TTC21B: variants seen among roughly 807,000 people sequenced by gnomAD.
TTC21B encodes tetratricopeptide repeat domain 21B, also known as tetratricopeptide repeat protein 21B.
In TTC21B, 127 loss-of-function variants were observed where a neutral mutation model predicts 175.1. That is an observed-to-expected ratio of 0.73 (90% CI 0.63 to 0.84). The LOEUF is 0.84. TTC21B is among the 40% of genes least tolerant of loss of function. TTC21B has a pLI of 0.00. For synonymous variants in TTC21B, 524 were observed against 524.5 expected (o/e 1.00, Z 0.01); for missense variants, 1,561 against 1,558.3 (o/e 1.00, Z -0.03).
rs1405946233 is a variant in TTC21B at position 165,899,771 on chromosome 2, A to G, written c.2867T>C (p.Met956Thr). The G allele has an allele frequency of 6.2e-7, 1 of 1,606,246 alleles. No individual in the cohort carries two copies. The highest frequency in any genetic ancestry group is 1.3e-5 in the African/African-American group (1 of 74,768). ...TGTACTGAAGTTCCTTGGACTGACC[A>G]TGGTAGCAGCTTCGTTATCCTGGTC... ...QSDQDNEAAT[M>T]MMADLMFRKQ... is the part of the protein sequence containing the mutation. The change falls in exon 21 of 29, where the codon ATG becomes ACG. Residue 956 changes from methionine (M) to threonine (T), a missense_variant and splice_region_variant. Physicochemically the swap from Met to Thr is moderately conservative, Grantham distance 81. Transcript: ENST00000243344.
chr2:165,895,651 C>G (rs956966206), intron 22 of TTC21B, among the ~76,000 whole-genome samples: 3 of 151,728 alleles, frequency 2.0e-5, no homozygotes, highest in Non-Finnish European at 4.4e-5. Flanking sequence ...GTAGAAATGG[C>G]AGGGAAAAAA....
intron 6 of TTC21B, among the ~76,000 whole-genome samples, chr2:165,935,134 T>C (rs1190493992): frequency 6.6e-6 from 1 of 152,172 alleles, no homozygotes; most frequent in Non-Finnish European, 1.5e-5. Flanking sequence ...ATGGAAAGCG[T>C]CTAGGTCCGT....
At position 165,931,813 on chromosome 2, in the gene TTC21B, A is replaced by G. The variant is rs763220805; in HGVS notation, c.839T>C (p.Met280Thr). The change falls in exon 8 of 29, where the codon ATG (methionine) becomes ACG (threonine). Residue 280 changes from methionine to threonine, a missense_variant. Transcript: ENST00000243344. Reference protein sequence around the residue: ...LENLGNTLDAMEPQNAQLFYN... With the variant: ...LENLGNTLDATEPQNAQLFYN... The stretch of plus-strand genomic sequence containing the variant: ...GAAAAGTTGAGCATTCTGTGGTTCC[A>G]TGGCATCCAATGTATTTCCCAAGTT... 7 of 1,613,656 alleles carry G rather than the reference A, an allele frequency of 4.3e-6. No individual in the cohort carries two copies. Among genetic ancestry groups the G allele is most frequent in the Admixed American group, 1.7e-5 (1 of 59,970 alleles).
chr2:165,876,106 A>T (rs1684657041), intron 28 of TTC21B, 59 bp downstream of exon 28: 3 of 1,005,356 alleles, frequency 3.0e-6, no homozygotes, highest in Non-Finnish European at 4.7e-6. Flanking sequence ...CTGGAGATTT[A>T]AAAAAGTAGG....
intron 22 of TTC21B, among the ~76,000 whole-genome samples, chr2:165,892,813 G>A (rs1210982528): frequency 1.3e-5 from 2 of 152,110 alleles, no homozygotes; most frequent in African/African-American, 2.4e-5. Context: ...ACAACAATGC[G>A]AATGCATTTA....
intron 11 of TTC21B, 127 bp downstream of exon 11, chr2:165,929,004 CAACT>C: frequency 1.2e-6 from 1 of 826,396 alleles, no homozygotes; most frequent in South Asian, 1.5e-5. Flanking sequence ...AAAGCGATTT[CAACT>C]AACATAGGTA....
chr2:165,887,905 G>C (rs942230283), intron 25 of TTC21B, among the ~76,000 whole-genome samples: 1 of 152,148 alleles, frequency 6.6e-6, no homozygotes, highest in African/African-American at 2.4e-5. Flanking sequence ...TCATGTAAGT[G>C]AAGAAGTAAG....
chr2:165,934,817 T>C (rs1207032132), intron 6 of TTC21B: 1 of 151,736 alleles, frequency 6.6e-6, no homozygotes, highest in Non-Finnish European at 1.5e-5. Context: ...AGACTACTAG[T>C]AGGAGTGTAA....
Position 165,914,657 on chromosome 2 carries a change from C to CTGTGTGTGTG in TTC21B, c.2138+534_2138+543dup, listed in dbSNP as rs551411661. On this transcript the variant is annotated intron_variant, in intron 15 of 28. Transcript: ENST00000243344. ...GTTTGGGGAGAAGAGGAAGAGCAATCTGTGTGTGTGTGTGTGTGTGTGTGT... is the reference window on the plus strand; with the variant it reads ...GTTTGGGGAGAAGAGGAAGAGCAATCTGTGTGTGTGTGTGTGTGTGTGTGTGTGTGTGTGT... Among the ~76,000 whole-genome samples the CTGTGTGTGTG allele has an allele frequency of 6.6e-3, 775 of 118,138 alleles. 15 individuals are homozygous for CTGTGTGTGTG. Among genetic ancestry groups the CTGTGTGTGTG allele is most frequent in the Admixed American group, 0.011 (121 of 11,334 alleles). 77.5% of individuals were successfully genotyped at this position (118,138 alleles called of 152,430 possible).
At chr2:165,882,403 A>C (rs1255861500) in intron 26 of TTC21B, among the ~76,000 whole-genome samples, 1 of 152,082 alleles carries the variant, frequency 6.6e-6, no homozygotes, top group Non-Finnish European at 1.5e-5. Flanking sequence ...TCTATTTTGG[A>C]TCTTCGAGAA....
At chr2:165,930,535 C>T (rs1023444324) in intron 8 of TTC21B, among the ~76,000 whole-genome samples, 171 bp from the exon 9 acceptor site, 4 of 151,774 alleles carry the variant, frequency 2.6e-5, no homozygotes, top group African/African-American at 9.7e-5. Context: ...GACAATGCAT[C>T]AAGAAAGAGT....
At chr2:165,952,807 C>T (rs972832536) in intron 1 of TTC21B, among the ~76,000 whole-genome samples, 12 of 152,204 alleles carry the variant, frequency 7.9e-5, no homozygotes, top group Non-Finnish European at 1.5e-4. Flanking sequence ...ATTTCATTTA[C>T]CTACTTGTTG....
intron 25 of TTC21B, among the ~76,000 whole-genome samples, chr2:165,887,630 T>G (rs546778457): frequency 5.3e-5 from 8 of 151,668 alleles, no homozygotes; most frequent in Admixed American, 5.3e-4. Flanking sequence ...GAGGTTGCAG[T>G]GAGCTGAGAT....
chr2:165,952,868 T>C (rs759732778), intron 1 of TTC21B, among the ~76,000 whole-genome samples: 9 of 152,202 alleles, frequency 5.9e-5, no homozygotes, highest in African/African-American at 9.7e-5. Flanking sequence ...GAGTTTTTCT[T>C]GGTTTTATTA....
chr2:165,884,766 G>C (rs554508663), intron 25 of TTC21B, among the ~76,000 whole-genome samples: 6 of 152,318 alleles, frequency 3.9e-5, no homozygotes, highest in African/African-American at 1.4e-4. Context: ...GGCCATTAGT[G>C]ATCTATCCAG....
At chr2:165,914,064 A>G (rs1394787452) in intron 15 of TTC21B, among the ~76,000 whole-genome samples, 1 of 152,200 alleles carries the variant, frequency 6.6e-6, no homozygotes, top group Non-Finnish European at 1.5e-5. Flanking sequence ...GCTGAAATAA[A>G]TTACCTTAAA....
intron 19 of TTC21B, among the ~76,000 whole-genome samples, chr2:165,905,747 C>T (rs1377658135): frequency 2.6e-5 from 4 of 152,090 alleles, no homozygotes; most frequent in African/African-American, 4.8e-5. Context: ...ACCAAGCAAA[C>T]AAATAACGAC....
chr2:165,921,657 C>T (rs897009025), intron 12 of TTC21B, among the ~76,000 whole-genome samples: 3 of 152,032 alleles, frequency 2.0e-5, no homozygotes, highest in Admixed American at 6.5e-5. Context: ...GGGGACTGTG[C>T]CCTTAACCTT....
chr2:165,943,271 T>C lies in TTC21B; in HGVS notation c.500A>G (p.Tyr167Cys), dbSNP rs1416735161. The C allele has an allele frequency of 1.2e-6, 2 of 1,613,380 alleles. No individual in the cohort carries two copies. Among genetic ancestry groups the C allele is most frequent in the South Asian group, 1.1e-5 (1 of 91,056 alleles). ...KEPYTKKALK[Y>C]FEEGLQDGND... is the part of the protein sequence containing the mutation. ...CCCATCTTGGAGTCCCTCTTCAAAA[T>C]ACTTCAGTGCTTTTTTAGTGTAAGG... is the stretch of plus-strand genomic sequence containing the variant. The change falls in exon 5 of 29, where the codon TAT (tyrosine) becomes TGT (cysteine). Residue 167 changes from tyrosine to cysteine, a missense_variant. Physicochemically the swap from Tyr to Cys is radical, Grantham distance 194 (BLOSUM62 -2). Coordinates refer to ENST00000243344, the MANE Select transcript of TTC21B (RefSeq NM_024753.5).
Sources: allele counts gnomAD v4.1 joint callset (sites outside exome capture counted in the v4.1 genomes callset), GRCh38; gene constraint gnomAD v4.1.1; transcripts MANE v1.5; gene names NCBI Gene and HGNC (gene_info 2026-07-23, HGNC 2026-07-21).